Variants in LARGE1 observed in about 807,000 individuals in gnomAD.
The protein encoded by LARGE1 is LARGE xylosyl- and glucuronyltransferase 1, also known as xylosyl- and glucuronyltransferase LARGE1.
LARGE1 carries 43 observed loss-of-function variants against 87.6 expected under a neutral mutation model. The observed-to-expected ratio is 0.49, with a 90% CI of 0.38 to 0.63. The LOEUF (loss-of-function observed/expected upper bound fraction) is 0.63, where lower values mean the gene tolerates loss of function less well. LARGE1 is among the 30% of genes least tolerant of loss of function. The probability of loss-of-function intolerance (pLI) is 0.00; values close to 1 mark genes in which losing one functional copy is unlikely to be tolerated. For synonymous variants in LARGE1, 434 were observed against 394.6 expected, an observed-to-expected ratio of 1.10 and a Z score of -1.18; for missense variants, 802 against 1,000.2, an observed-to-expected ratio of 0.80 and a Z score of 2.67.
At chr22:33,189,559 A>G (rs1206036828) in intron 11 of LARGE1, among the ~76,000 whole-genome samples, 1 of 152,122 alleles carries the variant, frequency 6.6e-6, no homozygotes, top group Non-Finnish European at 1.5e-5. Context: ...CATGACCTCT[A>G]CTTCCCTAAC....
intron 5 of LARGE1, among the ~76,000 whole-genome samples, chr22:33,567,939 T>A (rs2078076776): frequency 6.6e-6 from 1 of 152,232 alleles, no homozygotes; most frequent in Non-Finnish European, 1.5e-5. Context: ...ACTTACTTCA[T>A]CCTATCAGGC....
chr22:33,343,739 C>T (rs1385542748), intron 9 of LARGE1, among the ~76,000 whole-genome samples: 1 of 152,162 alleles, frequency 6.6e-6, no homozygotes, highest in East Asian at 1.9e-4. Context: ...GTCTGAGCCT[C>T]AGACTAGCCC....
chr22:33,419,452 T>C (rs1043543359), intron 7 of LARGE1, among the ~76,000 whole-genome samples: 1 of 152,060 alleles, frequency 6.6e-6, no homozygotes, highest in East Asian at 1.9e-4. Context: ...ACACGCCTGC[T>C]TGGTGGCCTT....
At chr22:33,081,994 T>C in the LARGE1 span, among the ~76,000 whole-genome samples, 1 of 152,312 alleles carries the variant, frequency 6.6e-6, no homozygotes, top group Admixed American at 6.5e-5. Flanking sequence ...CTTCACTCCA[T>C]AGATAATATT....
intron 1 of LARGE1, among the ~76,000 whole-genome samples, chr22:33,854,814 C>G (rs2063710661): frequency 1.3e-5 from 2 of 152,116 alleles, no homozygotes; most frequent in Non-Finnish European, 2.9e-5. Context: ...ATAAATGTAT[C>G]GGTGACATAT....
intron 2 of LARGE1, among the ~76,000 whole-genome samples, chr22:33,713,885 G>A (rs1569397352): frequency 6.6e-6 from 1 of 152,152 alleles, no homozygotes; most frequent in Non-Finnish European, 1.5e-5. Context: ...GAGTTTGGGA[G>A]GTTGAGGCTG....
intron 10 of LARGE1, among the ~76,000 whole-genome samples, chr22:33,328,086 T>A (rs1044325485): frequency 6.6e-6 from 1 of 152,086 alleles, no homozygotes; most frequent in Non-Finnish European, 1.5e-5. Context: ...ATTATATTAG[T>A]GATAAGTACT....
chr22:33,289,283 T>C (rs963944667), intron 12 of LARGE1, among the ~76,000 whole-genome samples: 1 of 152,042 alleles, frequency 6.6e-6, no homozygotes, highest in Admixed American at 6.6e-5. Context: ...TAAAACAATA[T>C]AAATAACTCA....
chr22:33,882,051 T>TG (rs2064707046), intron 1 of LARGE1, among the ~76,000 whole-genome samples: 1 of 150,712 alleles, frequency 6.6e-6, no homozygotes, highest in South Asian at 2.1e-4. Flanking sequence ...TTTTGTTTTT[T>TG]TTTTTTTTTG....
chr22:33,840,905 G>A (rs2063263214), intron 1 of LARGE1, among the ~76,000 whole-genome samples: 1 of 152,222 alleles, frequency 6.6e-6, no homozygotes, highest in African/African-American at 2.4e-5. Flanking sequence ...TTACAGGCGT[G>A]AGCCACTGCA....
At chr22:33,306,835 T>A (rs1345674955) in intron 11 of LARGE1, among the ~76,000 whole-genome samples, 3 of 149,388 alleles carry the variant, frequency 2.0e-5, no homozygotes, top group African/African-American at 7.5e-5. Flanking sequence ...GATCGCACCA[T>A]TGCACTCCAG....
rs1003833370 is a variant in LARGE1 at position 33,273,441 on chromosome 22, G to T, written c.*986C>A. ...CTTTCATGAATTATGAAAGTTCTTC[G>T]AAAGGCCTGAGAGGTTCGTACCTTG... On this transcript the variant is annotated 3_prime_UTR_variant, in exon 15 of 15. Coordinates refer to ENST00000397394, the MANE Select transcript of LARGE1 (RefSeq NM_133642.5). 1 of 398,596 alleles carries T rather than the reference G, an allele frequency of 2.5e-6. No homozygotes were observed. Among genetic ancestry groups the T allele is most frequent in the Middle Eastern group, 6.3e-4 (1 of 1,588 alleles). 24.7% of individuals were successfully genotyped at this position (398,596 alleles called of 1,614,324 possible).
intron 5 of LARGE1, among the ~76,000 whole-genome samples, chr22:33,598,773 T>C (rs1341405879): frequency 1.3e-5 from 2 of 152,228 alleles, no homozygotes; most frequent in Non-Finnish European, 2.9e-5. Context: ...CAGTCTATCA[T>C]TGATGGGCAT....
chr22:33,130,879 A>G, the LARGE1 span, among the ~76,000 whole-genome samples: 13 of 151,928 alleles, frequency 8.6e-5, no homozygotes, highest in Admixed American at 8.5e-4. Context: ...TGAACATACA[A>G]AAAATTAGCC....
At chr22:33,210,168 C>T (rs1307685819) in intron 11 of LARGE1, among the ~76,000 whole-genome samples, 1 of 152,146 alleles carries the variant, frequency 6.6e-6, no homozygotes, top group Non-Finnish European at 1.5e-5. Flanking sequence ...GAGGCTGTCG[C>T]TTTCCATTAG....
chr22:33,505,867 G>C (rs1310149814), intron 6 of LARGE1, among the ~76,000 whole-genome samples: 1 of 152,098 alleles, frequency 6.6e-6, no homozygotes, highest in Non-Finnish European at 1.5e-5. Flanking sequence ...ATAAATGATG[G>C]ATCTGACAAC....
chr22:33,533,974 A>T (rs2076969646), intron 6 of LARGE1, among the ~76,000 whole-genome samples: 1 of 151,500 alleles, frequency 6.6e-6, no homozygotes. Flanking sequence ...TTTTGTCAAA[A>T]CTAACCTGAC....
intron 11 of LARGE1, among the ~76,000 whole-genome samples, chr22:33,179,792 T>C (rs979519572): frequency 9.9e-5 from 15 of 151,608 alleles, no homozygotes; most frequent in Non-Finnish European, 1.8e-4. Flanking sequence ...GTTTTTCAAA[T>C]ACAATTTCCT....
chr22:33,646,889 A>G (rs240333), intron 3 of LARGE1, among the ~76,000 whole-genome samples: 100,866 of 152,076 alleles, frequency 0.66, 34,460 homozygotes, highest in African/African-American at 0.82. Context: ...CACCACGCCC[A>G]GCTATTTTTT....
Sources: allele counts gnomAD v4.1 joint callset (sites outside exome capture counted in the v4.1 genomes callset), GRCh38; gene constraint gnomAD v4.1.1; transcripts MANE v1.5; gene names NCBI Gene and HGNC (gene_info 2026-07-23, HGNC 2026-07-21).